The following ADAMTS6 variants were observed in gnomAD, a reference collection of about 807,000 sequenced individuals.
ADAMTS6 encodes A disintegrin and metalloproteinase with thrombospondin motifs 6.
ADAMTS6 carries 23 observed loss-of-function variants against 144.3 expected under a neutral mutation model. The observed-to-expected ratio is 0.16, with a 90% CI of 0.11 to 0.23. The LOEUF (loss-of-function observed/expected upper bound fraction) is 0.23. ADAMTS6 is among the 10% of genes least tolerant of loss of function. ADAMTS6 has a pLI of 1.00. For missense variants in ADAMTS6, 999 were observed against 1,379.6 expected (o/e 0.72, Z 4.37); for synonymous variants, 444 against 457.5 (o/e 0.97, Z 0.38).
At chr5:65,416,451 T>C (rs1755518157) in intron 7 of ADAMTS6, among the ~76,000 whole-genome samples, 1 of 152,104 alleles carries the variant, frequency 6.6e-6, no homozygotes, top group Non-Finnish European at 1.5e-5. Flanking sequence ...TATATATCCA[T>C]GAGAATTGAA....
In ADAMTS6 at chr5:65,289,442, G is replaced by A. The variant is rs541962236; in HGVS notation, c.1512+1887C>T. Among the ~76,000 whole-genome samples, 4 of 152,204 alleles carry A rather than the reference G, an allele frequency of 2.6e-5. No individual in the cohort carries two copies. The South Asian group carries it at 8.3e-4, about 32-fold the overall frequency. On this transcript the variant is annotated intron_variant, in intron 11 of 24. Coordinates refer to ENST00000381055, the MANE Select transcript of ADAMTS6 (RefSeq NM_197941.4). Reference sequence around the variant, plus strand: ...CAGCTACTCAGAGGCTGAGGTGAGAGAATAACCTAGGAGGTGGAGGTTGTA... The same window carrying A: ...CAGCTACTCAGAGGCTGAGGTGAGAAAATAACCTAGGAGGTGGAGGTTGTA...
At position 65,480,591 on chromosome 5, in the gene ADAMTS6, A is replaced by C. The variant is rs1761134902; in HGVS notation, c.-280+752T>G. On this transcript the variant is annotated intron_variant, in intron 1 of 24. Transcript: ENST00000381055. ...CACTTTTCCTCTAGTACAGGGAAAGAAAGCATCAAAGACAGGAATTGTAGC... is the reference window on the plus strand; with the variant it reads ...CACTTTTCCTCTAGTACAGGGAAAGCAAGCATCAAAGACAGGAATTGTAGC... 6.6e-5 allele frequency among the ~76,000 whole-genome samples: 10 copies of C among 152,176 alleles called. No individual in the cohort carries two copies. The South Asian group carries it at 2.1e-3, about 32-fold the overall frequency.
At chr5:65,244,477 T>G (rs1316864596) in intron 14 of ADAMTS6, among the ~76,000 whole-genome samples, 1 of 152,206 alleles carries the variant, frequency 6.6e-6, no homozygotes, top group African/African-American at 2.4e-5. Flanking sequence ...TACTATTTAA[T>G]GAAGCACTTG....
At chr5:65,234,404 A>T (rs1395920653) in intron 15 of ADAMTS6, among the ~76,000 whole-genome samples, 1 of 44 alleles carries the variant, frequency 0.023, no homozygotes, top group Non-Finnish European at 0.083. Context: ...ACTCAATAGT[A>T]AAAAAAAAAA....
chr5:65,152,100 A>T (rs1172518131), intron 24 of ADAMTS6, among the ~76,000 whole-genome samples, 155 bp from the exon 25 acceptor site: 1 of 152,150 alleles, frequency 6.6e-6, no homozygotes, highest in Non-Finnish European at 1.5e-5. Context: ...TTTTAAGCAT[A>T]CCCTGCCTGG....
intron 24 of ADAMTS6, among the ~76,000 whole-genome samples, chr5:65,153,843 TAATG>T (rs1400798811): frequency 1.3e-5 from 2 of 152,214 alleles, no homozygotes; most frequent in Non-Finnish European, 2.9e-5. Context: ...TTATAATACA[TAATG>T]AATGAAATAG....
chr5:65,154,281 A>G (rs984326374), intron 24 of ADAMTS6, among the ~76,000 whole-genome samples: 15 of 152,230 alleles, frequency 9.9e-5, no homozygotes, highest in Non-Finnish European at 2.2e-4. Flanking sequence ...AGTGCTAGAA[A>G]TAAGACTCTT....
chr5:65,403,075 T>C (rs930565781), intron 7 of ADAMTS6, among the ~76,000 whole-genome samples: 1 of 152,132 alleles, frequency 6.6e-6, no homozygotes, highest in African/African-American at 2.4e-5. Context: ...AATAATGAAT[T>C]TTAAGGCCTC....
intron 24 of ADAMTS6, among the ~76,000 whole-genome samples, chr5:65,152,558 C>A (rs1752194991): frequency 6.6e-6 from 1 of 152,132 alleles, no homozygotes; most frequent in Non-Finnish European, 1.5e-5. Context: ...GTAGAAATGT[C>A]TTTTTTTAAT....
intron 24 of ADAMTS6, among the ~76,000 whole-genome samples, chr5:65,162,708 A>T (rs924939562): frequency 6.6e-6 from 1 of 152,034 alleles, no homozygotes; most frequent in Non-Finnish European, 1.5e-5. Context: ...AAGACAGATA[A>T]TATATATAAA....
chr5:65,389,058 G>A (rs970494154), intron 7 of ADAMTS6, among the ~76,000 whole-genome samples: 5 of 152,082 alleles, frequency 3.3e-5, no homozygotes, highest in Non-Finnish European at 7.4e-5. Context: ...AAAAAAATTA[G>A]CCGGGCGTGG....
intron 1 of ADAMTS6, among the ~76,000 whole-genome samples, chr5:65,480,704 A>G (rs1166235026): frequency 1.3e-5 from 2 of 152,144 alleles, no homozygotes; most frequent in Admixed American, 6.5e-5. Context: ...CCCATACACC[A>G]TATATACAGA....
At position 65,160,730 on chromosome 5, in the gene ADAMTS6, G is replaced by A. The variant is rs540509349; in HGVS notation, c.3245-8785C>T. On this transcript the variant is annotated intron_variant, in intron 24 of 24. Coordinates refer to ENST00000381055, the MANE Select transcript of ADAMTS6 (RefSeq NM_197941.4). ...TGCAATGGCGTGATCTCAGCTGACC[G>A]CAACTTCTGCCTCCCAAATTCAAGC... Among the ~76,000 whole-genome samples the A allele has an allele frequency of 1.4e-4, 20 of 145,302 alleles. No homozygotes were observed. The South Asian group carries it at 3.7e-3, about 27-fold the overall frequency.
intron 20 of ADAMTS6, among the ~76,000 whole-genome samples, chr5:65,199,768 C>A (rs745884187): frequency 2.0e-5 from 3 of 151,994 alleles, no homozygotes; most frequent in Non-Finnish European, 4.4e-5. Context: ...AGTTACTAAA[C>A]CAAAGCATTG....
intron 11 of ADAMTS6, among the ~76,000 whole-genome samples, chr5:65,291,080 T>C (rs1742256143): frequency 6.6e-6 from 1 of 151,946 alleles, no homozygotes; most frequent in African/African-American, 2.4e-5. Context: ...AAAGAAAAAA[T>C]ATATTAAGAA....
chr5:65,430,686 AAG>A (rs1199951993), intron 7 of ADAMTS6, among the ~76,000 whole-genome samples: 1 of 152,218 alleles, frequency 6.6e-6, no homozygotes, highest in East Asian at 1.9e-4. Context: ...TTCAAAGAAT[AAG>A]AGAGCCAAAA....
chr5:65,374,776 A>G lies in ADAMTS6; in HGVS notation c.1074-40691T>C, dbSNP rs187733388. Among the ~76,000 whole-genome samples, 1,038 of 152,348 alleles carry G rather than the reference A, an allele frequency of 6.8e-3. 5 individuals carry two copies. The highest frequency in any genetic ancestry group is 0.012 in the Non-Finnish European group (803 of 68,034). Reference sequence around the variant, plus strand: ...ATAAACTACTTTAAAGTTCATGTGGAATCAAAAAAGAGCCTGCATCGCCAT... The same window carrying G: ...ATAAACTACTTTAAAGTTCATGTGGGATCAAAAAAGAGCCTGCATCGCCAT... On this transcript the variant is annotated intron_variant, in intron 7 of 24. Coordinates refer to ENST00000381055, the MANE Select transcript of ADAMTS6 (RefSeq NM_197941.4).
intron 24 of ADAMTS6, among the ~76,000 whole-genome samples, chr5:65,164,237 G>A (rs1213453752): frequency 6.6e-6 from 1 of 151,894 alleles, no homozygotes; most frequent in Non-Finnish European, 1.5e-5. Context: ...AGGGGTCAGG[G>A]AGTTCCCTTT....
At chr5:65,165,803 A>G (rs1436749971) in intron 24 of ADAMTS6, among the ~76,000 whole-genome samples, 2 of 115,826 alleles carry the variant, frequency 1.7e-5, no homozygotes, top group African/African-American at 7.0e-5. Context: ...TGAAGGAGAA[A>G]TAAAATACTT....
Sources: allele counts gnomAD v4.1 joint callset (sites outside exome capture counted in the v4.1 genomes callset), GRCh38; gene constraint gnomAD v4.1.1; transcripts MANE v1.5; gene names NCBI Gene and HGNC (gene_info 2026-07-23, HGNC 2026-07-21).